CEBPZ: variants seen among roughly 807,000 people sequenced by gnomAD.
CEBPZ encodes the protein CCAAT/enhancer-binding protein zeta.
Under a neutral mutation model 104.5 loss-of-function variants are expected in CEBPZ, and 78 were observed. The ratio of observed to expected loss-of-function variants is 0.75; its 90% confidence interval spans 0.62 to 0.90. The LOEUF (loss-of-function observed/expected upper bound fraction) is 0.90. Ranked by LOEUF, CEBPZ falls within the 40% of genes least tolerant of loss-of-function variation. The probability of loss-of-function intolerance (pLI) is 0.00; values close to 1 mark genes in which losing one functional copy is unlikely to be tolerated. For missense variants in CEBPZ, 1,439 were observed against 1,233.5 expected (o/e 1.17, Z -2.50); for synonymous variants, 470 against 427.0 (o/e 1.10, Z -1.24).
At position 37,223,110 on chromosome 2, in the gene CEBPZ, A is replaced by G. The variant is rs940704058; in HGVS notation, c.1881+60T>C. On this transcript the variant is annotated intron_variant, in intron 3 of 15. Coordinates refer to ENST00000234170, the MANE Select transcript of CEBPZ (RefSeq NM_005760.3). ...ACTGTCATTTGAAGCAAAGAAAAAC[A>G]AAACAAAAACCAATATATTTCAGCA... 1.3e-5 allele frequency: 18 copies of G among 1,412,580 alleles called. No individual in the cohort carries two copies. The Admixed American group carries it at 3.4e-4, about 27-fold the overall frequency. 87.5% of individuals were successfully genotyped at this position (1,412,580 alleles called of 1,614,324 possible).
At chr2:37,216,507 T>G in intron 6 of CEBPZ, 89 bp from the exon 7 acceptor site, 2 of 903,636 alleles carry the variant, frequency 2.2e-6, no homozygotes, top group Non-Finnish European at 3.5e-6. Context: ...TAATTTCTAT[T>G]ACACTGTATT....
intron 10 of CEBPZ, 29 bp from the exon 11 acceptor site, chr2:37,212,421 C>T (rs771530598): frequency 7.0e-6 from 11 of 1,573,384 alleles, no homozygotes; most frequent in Non-Finnish European, 8.7e-6. Context: ...ATGTGAGATA[C>T]AACAAAGAAT....
At position 37,228,000 on chromosome 2, in the gene CEBPZ, ATTCTG is replaced by A; in HGVS notation, c.1188_1192del (p.Arg397CysfsTer14). On this transcript the variant is annotated frameshift_variant, in exon 2 of 16. Coordinates refer to ENST00000234170, the MANE Select transcript of CEBPZ (RefSeq NM_005760.3). LOFTEE classifies it high-confidence loss of function. ...TAACAGATGGGATGCTTTTGTGGCA[ATTCTG>A]TTCTGAGGATCTCCCAGTTTATTTA... The A allele has an allele frequency of 6.2e-7, 1 of 1,614,134 alleles. No individual in the cohort carries two copies. The highest frequency in any genetic ancestry group is 8.5e-7 in the Non-Finnish European group (1 of 1,180,006).
At chr2:37,216,017 A>G in intron 8 of CEBPZ, 123 bp downstream of exon 8, 1 of 689,746 alleles carries the variant, frequency 1.4e-6, no homozygotes, top group South Asian at 2.8e-5. Context: ...TTGGGAAAAA[A>G]GATGGATAAT....
At chr2:37,222,327 T>C in intron 4 of CEBPZ, 53 bp downstream of exon 4, 2 of 1,356,584 alleles carry the variant, frequency 1.5e-6, no homozygotes, top group Admixed American at 2.5e-5. Context: ...CTATTTTCTA[T>C]GAAAATCAAA....
chr2:37,227,466 C>T (rs1470962213), intron 2 of CEBPZ, 78 bp downstream of exon 2: 12 of 1,409,656 alleles, frequency 8.5e-6, no homozygotes, highest in Non-Finnish European at 1.1e-5. Context: ...CTTTTTCTTG[C>T]CCCACAGAGG....
At position 37,211,945 on chromosome 2, in the gene CEBPZ, C is replaced by A; in HGVS notation, c.2698G>T (p.Glu900Ter). 1.2e-6 allele frequency: 2 copies of A among 1,613,826 alleles called. No individual in the cohort carries two copies. Among genetic ancestry groups the A allele is most frequent in the Non-Finnish European group, 1.7e-6 (2 of 1,179,856 alleles). ...TCATCCATACTTCCTAAAGAAACTT[C>A]ATCGTCATCCAGGTTACCAAGTTCA... is the stretch of plus-strand genomic sequence containing the variant. ...DDELGNLDDD[E>*]VSLGSMDDEE... is the part of the protein sequence containing the mutation. Residue 900 changes from glutamate (E) to a stop codon, truncating the protein, a stop_gained, in exon 12 of 16, where the codon GAA becomes TAA. Coordinates refer to ENST00000234170, the MANE Select transcript of CEBPZ (RefSeq NM_005760.3). LOFTEE classifies it high-confidence loss of function.
intron 13 of CEBPZ, chr2:37,203,276 C>T (rs1229972914): frequency 1.2e-5 from 3 of 249,478 alleles, no homozygotes; most frequent in Non-Finnish European, 2.3e-5. Flanking sequence ...AAGTTTTACC[C>T]ATAAGGGAAA....
chr2:37,223,841 G>A (rs1664823533), intron 2 of CEBPZ, among the ~76,000 whole-genome samples: 1 of 152,216 alleles, frequency 6.6e-6, no homozygotes, highest in Non-Finnish European at 1.5e-5. Flanking sequence ...GCCTCTTCAT[G>A]ATTTTAGTGA....
In CEBPZ at chr2:37,213,855, A is replaced by G; in HGVS notation, c.2545+9T>C. On this transcript the variant is annotated intron_variant, in intron 10 of 15. Coordinates refer to ENST00000234170, the MANE Select transcript of CEBPZ (RefSeq NM_005760.3). ...GATTATTTTACAAAGAGTCAACAAA[A>G]CAAATTACCAATCAGCTCTTCAAAT... is the stretch of plus-strand genomic sequence containing the variant. The G allele has an allele frequency of 6.3e-7, 1 of 1,579,274 alleles. No individual in the cohort carries two copies.
At chr2:37,216,470 T>A in intron 6 of CEBPZ, 52 bp from the exon 7 acceptor site, 1 of 1,284,840 alleles carries the variant, frequency 7.8e-7, no homozygotes, top group Non-Finnish European at 1.1e-6. Flanking sequence ...TGTCTATGAA[T>A]CCAAGTAAGA....
At chr2:37,229,262 GA>G (rs1229163121) in intron 1 of CEBPZ, among the ~76,000 whole-genome samples, 6 of 151,336 alleles carry the variant, frequency 4.0e-5, no homozygotes, top group Admixed American at 6.6e-5. Flanking sequence ...TTCGATATAG[GA>G]AAAAAATATA....
chr2:37,221,118 G>A (rs140567300), intron 4 of CEBPZ, among the ~76,000 whole-genome samples: 6 of 152,166 alleles, frequency 3.9e-5, no homozygotes, highest in East Asian at 1.9e-4. Context: ...CCAAGAGCTC[G>A]AGACCAGCCG....
chr2:37,202,209 T>TA (rs138011105), intron 15 of CEBPZ: 4,080 of 190,090 alleles, frequency 0.021, 80 homozygotes, highest in Middle Eastern at 0.035. Context: ...CCCACTTCCC[T>TA]AAAAAAAAGT....
intron 13 of CEBPZ, among the ~76,000 whole-genome samples, chr2:37,208,644 A>G (rs1196510379): frequency 2.0e-5 from 3 of 152,202 alleles, no homozygotes; most frequent in Admixed American, 2.0e-4. Flanking sequence ...ACGTACCTTA[A>G]AAGTAATGAA....
At chr2:37,216,863 T>C (rs933610446) in intron 6 of CEBPZ, 121 bp downstream of exon 6, 7 of 796,766 alleles carry the variant, frequency 8.8e-6, no homozygotes, top group South Asian at 1.8e-5. Context: ...TGCTTCTTTA[T>C]ACGAGCAGTA....
intron 5 of CEBPZ, among the ~76,000 whole-genome samples, chr2:37,218,285 GA>G (rs971674531): frequency 6.6e-6 from 1 of 151,560 alleles, no homozygotes; most frequent in Non-Finnish European, 1.5e-5. Context: ...AAAGAAAAAA[GA>G]AAAAAAGAAA....
chr2:37,220,839 A>T (rs1664754483), intron 4 of CEBPZ, among the ~76,000 whole-genome samples: 1 of 152,028 alleles, frequency 6.6e-6, no homozygotes, highest in African/African-American at 2.4e-5. Flanking sequence ...AAAAAATACA[A>T]CAAAAAAACT....
At chr2:37,207,109 C>T (rs1483573801) in intron 13 of CEBPZ, among the ~76,000 whole-genome samples, 1 of 152,040 alleles carries the variant, frequency 6.6e-6, no homozygotes, top group Non-Finnish European at 1.5e-5. Flanking sequence ...TGTCATAATC[C>T]AAAATATATA....
Sources: allele counts gnomAD v4.1 joint callset (sites outside exome capture counted in the v4.1 genomes callset), GRCh38; gene constraint gnomAD v4.1.1; transcripts MANE v1.5; gene names NCBI Gene and HGNC (gene_info 2026-07-23, HGNC 2026-07-21).